Variants in STS observed in about 807,000 individuals in gnomAD.
The protein encoded by STS is steroid sulfatase.
Under a neutral mutation model 26.8 loss-of-function variants are expected in STS, and 7 were observed. That is an observed-to-expected ratio of 0.26 (90% CI 0.15 to 0.49). The LOEUF is 0.49. Ranked by LOEUF, STS falls within the 20% of genes least tolerant of loss-of-function variation. The probability of loss-of-function intolerance (pLI) is 0.98; values close to 1 mark genes in which losing one functional copy is unlikely to be tolerated. For missense variants in STS, 434 were observed against 465.6 expected (o/e 0.93, Z 0.63); for synonymous variants, 199 against 189.4 (o/e 1.05, Z -0.42).
intron 2 of STS, among the ~76,000 whole-genome samples, chrX:7,248,411 G>A (rs1402903142): frequency 8.9e-6 from 1 of 111,905 alleles, no homozygotes; most frequent in East Asian, 2.8e-4. Flanking sequence ...TGTGGTGATG[G>A]CAAAAGTACA....
chrX:7,291,444 C>T (rs1472008865), intron 7 of STS, among the ~76,000 whole-genome samples: 1 of 112,180 alleles, frequency 8.9e-6, no homozygotes, highest in Non-Finnish European at 1.9e-5. Flanking sequence ...TATAACATAG[C>T]ATATACTTTC....
chrX:7,252,265 C>T (rs1180804924), intron 2 of STS: 1 of 750,818 alleles, frequency 1.3e-6, no homozygotes, highest in Admixed American at 8.9e-5. Flanking sequence ...GAACCTGGCT[C>T]AAGGCTGTGA....
At chrX:7,324,579 G>A (rs778723415) in intron 8 of STS, among the ~76,000 whole-genome samples, 21 of 111,193 alleles carry the variant, frequency 1.9e-4, no homozygotes, top group African/African-American at 6.9e-4. Flanking sequence ...CTGTCGTGTT[G>A]GTATCTTATG....
At chrX:7,175,268 T>C (rs1174196826) in intron 1 of STS, among the ~76,000 whole-genome samples, 1 of 109,213 alleles carries the variant, frequency 9.2e-6, no homozygotes, top group Non-Finnish European at 1.9e-5. Context: ...GGAGGATCCC[T>C]TGAGCCCAGG....
chrX:7,320,012 A>AC (rs1926916830), intron 8 of STS, among the ~76,000 whole-genome samples: 1 of 85,988 alleles, frequency 1.2e-5, no homozygotes, highest in Non-Finnish European at 2.2e-5. Flanking sequence ...TTATATATAT[A>AC]TTTATATATA....
intron 6 of STS, among the ~76,000 whole-genome samples, chrX:7,274,928 G>A (rs188310346): frequency 1.9e-4 from 21 of 112,116 alleles, no homozygotes; most frequent in Admixed American, 1.7e-3. Context: ...ATTGACAACT[G>A]AAGGTACACA....
intron 10 of STS, among the ~76,000 whole-genome samples, chrX:7,347,781 C>T (rs1928592358): frequency 8.9e-6 from 1 of 111,930 alleles, no homozygotes; most frequent in Non-Finnish European, 1.9e-5. Context: ...CCCACTTTCT[C>T]TCTCGGCTGA....
intron 5 of STS, among the ~76,000 whole-genome samples, chrX:7,258,105 C>CAG (rs370192237): frequency 1.7e-4 from 16 of 92,690 alleles, no homozygotes; most frequent in African/African-American, 6.5e-4. Context: ...GAAAAACAGA[C>CAG]ATAGATAGAT....
chrX:7,214,979 T>TA (rs1203939184), intron 2 of STS, among the ~76,000 whole-genome samples: 19 of 42,103 alleles, frequency 4.5e-4, no homozygotes, highest in African/African-American at 1.4e-3. Context: ...TATGTATATA[T>TA]ACATATATAT....
At chrX:7,285,572 C>T (rs1219587897) in intron 7 of STS, among the ~76,000 whole-genome samples, 1 of 111,622 alleles carries the variant, frequency 9.0e-6, no homozygotes, top group Non-Finnish European at 1.9e-5. Flanking sequence ...ATAGGAAGAG[C>T]TCATACAAAG....
In STS at chrX:7,259,791, T is replaced by C. The variant is rs1923644134; in HGVS notation, c.806+19T>C. The C allele has an allele frequency of 8.3e-7, 1 of 1,203,348 alleles. No individual in the cohort carries two copies. Among genetic ancestry groups the C allele is most frequent in the Non-Finnish European group, 1.1e-6 (1 of 892,150 alleles). Reference sequence around the variant, plus strand: ...TACAGCGGTGGGTATTGCCTTGTCCTCTGATGCTGCCTGTTAAAAAACATT... The same window carrying C: ...TACAGCGGTGGGTATTGCCTTGTCCCCTGATGCTGCCTGTTAAAAAACATT... On this transcript the variant is annotated intron_variant, in intron 6 of 10. Coordinates refer to ENST00000674429, the MANE Select transcript of STS (RefSeq NM_001320752.2).
rs768737420 is a variant in STS, at chrX:7,311,719, G to A, written c.1081+6536G>A. On this transcript the variant is annotated intron_variant, in intron 8 of 10. Transcript: ENST00000674429. ...GTAAAAATTAGCTGGCTGTTGTGTT[G>A]CACACCTGTAGTCCAAGCTACTGAG... 5.8e-4 allele frequency among the ~76,000 whole-genome samples: 65 copies of A among 111,492 alleles called. 1 individual carries two copies. The highest frequency in any genetic ancestry group is 1.3e-4 in the Non-Finnish European group (7 of 53,024).
chrX:7,322,511 G>A (rs1362013015), intron 8 of STS, among the ~76,000 whole-genome samples: 2 of 111,269 alleles, frequency 1.8e-5, no homozygotes, highest in Non-Finnish European at 1.9e-5. Context: ...AGCAATTCTC[G>A]TGCCTCATCC....
At chrX:7,312,813 T>C (rs1206299021) in intron 8 of STS, among the ~76,000 whole-genome samples, 1 of 112,218 alleles carries the variant, frequency 8.9e-6, no homozygotes, top group Non-Finnish European at 1.9e-5. Context: ...TATTTCTTCA[T>C]AGAAGTATGA....
chrX:7,306,312 T>C (rs1926213733), intron 8 of STS, among the ~76,000 whole-genome samples: 1 of 111,130 alleles, frequency 9.0e-6, no homozygotes, highest in Admixed American at 9.6e-5. Context: ...TAAAAGGGTG[T>C]ATTTGTGCTA....
rs1182179375 is a variant in STS at position 7,339,282 on chromosome X, G to A, written c.1363+5175G>A. ...AAGTGTCAGAAATGAAATATCGAAG[G>A]CTGAAGCTGACCTAATGTGAGATGC... On this transcript the variant is annotated intron_variant, in intron 10 of 10. Transcript: ENST00000674429. Among the ~76,000 whole-genome samples the A allele has an allele frequency of 8.1e-5, 9 of 111,469 alleles. No homozygotes were observed. The South Asian group carries it at 1.1e-3, about 14-fold the overall frequency.
intron 10 of STS, among the ~76,000 whole-genome samples, chrX:7,339,537 AC>A (rs1928186060): frequency 8.9e-6 from 1 of 112,203 alleles, no homozygotes; most frequent in Non-Finnish European, 1.9e-5. Flanking sequence ...CTATTATTTC[AC>A]TCATGTGCCT....
At chrX:7,265,498 A>T (rs1176970458) in intron 6 of STS, among the ~76,000 whole-genome samples, 1 of 112,342 alleles carries the variant, frequency 8.9e-6, no homozygotes, top group East Asian at 2.8e-4. Flanking sequence ...GATCATGAGG[A>T]TATTGAAGCC....
intron 8 of STS, among the ~76,000 whole-genome samples, chrX:7,312,298 C>A (rs756887444): frequency 2.8e-4 from 31 of 111,696 alleles, no homozygotes; most frequent in African/African-American, 9.4e-4. Context: ...AAGTCCTTGT[C>A]TCTCCCACCA....
Sources: allele counts gnomAD v4.1 joint callset (sites outside exome capture counted in the v4.1 genomes callset), GRCh38; gene constraint gnomAD v4.1.1; transcripts MANE v1.5; gene names NCBI Gene and HGNC (gene_info 2026-07-23, HGNC 2026-07-21).